Variants in PPFIBP2 observed in about 807,000 individuals in gnomAD.
PPFIBP2 encodes the protein PPFIB scaffold protein 2, also known as liprin-beta-2.
In PPFIBP2, 118 loss-of-function variants were observed where a neutral mutation model predicts 118.3. The observed-to-expected ratio is 1.00, with a 90% confidence interval of 0.86 to 1.16. PPFIBP2 has a LOEUF of 1.16. PPFIBP2 is among the 50% of genes most tolerant of loss of function. The pLI is 0.00. For synonymous variants in PPFIBP2, 414 were observed against 397.4 expected (o/e 1.04, Z -0.50); for missense variants, 1,195 against 1,073.1 (o/e 1.11, Z -1.59).
At chr11:7,551,040 T>C (rs554422943) in intron 2 of PPFIBP2, among the ~76,000 whole-genome samples, 31 of 140,536 alleles carry the variant, frequency 2.2e-4, no homozygotes, top group Middle Eastern at 3.7e-3. Context: ...TATCTATATC[T>C]ATAGATATAG....
intron 1 of PPFIBP2, among the ~76,000 whole-genome samples, chr11:7,535,941 G>T (rs963535810): frequency 4.6e-5 from 7 of 152,094 alleles, no homozygotes; most frequent in African/African-American, 1.4e-4. Context: ...TGAGGGACCC[G>T]GAGAGCGCTT....
At chr11:7,578,067 A>C (rs180788394) in intron 3 of PPFIBP2, among the ~76,000 whole-genome samples, 23 of 152,358 alleles carry the variant, frequency 1.5e-4, no homozygotes, top group African/African-American at 4.8e-4. Flanking sequence ...GGTGGAGCAC[A>C]CATCTGCTGT....
the PPFIBP2 span, chr11:7,665,674 G>A: frequency 8.4e-7 from 1 of 1,185,602 alleles, no homozygotes; most frequent in Non-Finnish European, 1.2e-6. Context: ...TTAGAAGTCT[G>A]TACTACTGCT....
chr11:7,600,753 C>T (rs547477019), intron 5 of PPFIBP2, among the ~76,000 whole-genome samples: 12 of 152,366 alleles, frequency 7.9e-5, no homozygotes, highest in African/African-American at 2.9e-4. Context: ...CTGAAGGCAG[C>T]AGCTGCTGTT....
chr11:7,614,747 G>T (rs904698278), intron 6 of PPFIBP2, among the ~76,000 whole-genome samples: 1 of 152,092 alleles, frequency 6.6e-6, no homozygotes, highest in African/African-American at 2.4e-5. Context: ...AAAGAACTAA[G>T]TAAAATTGTG....
At chr11:7,542,715 C>T (rs983876772) in intron 1 of PPFIBP2, among the ~76,000 whole-genome samples, 1 of 152,222 alleles carries the variant, frequency 6.6e-6, no homozygotes, top group African/African-American at 2.4e-5. Flanking sequence ...CTGAGGAAGT[C>T]TCTCCCAGAG....
At chr11:7,549,664 AGTGGTG>A in intron 2 of PPFIBP2, 125 bp downstream of exon 2, 1 of 1,016,584 alleles carries the variant, frequency 9.8e-7, no homozygotes. Flanking sequence ...TTTATTTTTC[AGTGGTG>A]TTATTGTGTA....
At chr11:7,515,439 A>G (rs1474001056) in intron 1 of PPFIBP2, among the ~76,000 whole-genome samples, 1 of 152,220 alleles carries the variant, frequency 6.6e-6, no homozygotes, top group Non-Finnish European at 1.5e-5. Context: ...GAGATCAATG[A>G]CATGAAGGCG....
intron 12 of PPFIBP2, among the ~76,000 whole-genome samples, chr11:7,633,392 A>G (rs1851037055): frequency 6.6e-6 from 1 of 152,192 alleles, no homozygotes; most frequent in African/African-American, 2.4e-5. Flanking sequence ...ATGAACTAAT[A>G]ATGGGCTCGC....
In PPFIBP2 at chr11:7,569,921, A is replaced by G. The variant is rs1340601911; in HGVS notation, c.279+4154A>G. ...GAGGGTGTGGTTATTTCAGTTCAGG[A>G]GCCCCAGAACCCCACAGGTGGTCCT... On this transcript the variant is annotated intron_variant, in intron 3 of 23. Coordinates refer to ENST00000299492, the MANE Select transcript of PPFIBP2 (RefSeq NM_003621.5). 2.6e-5 allele frequency among the ~76,000 whole-genome samples: 4 copies of G among 152,244 alleles called. No individual in the cohort carries two copies. The East Asian group carries it at 7.7e-4, about 29-fold the overall frequency.
intron 17 of PPFIBP2, among the ~76,000 whole-genome samples, chr11:7,643,565 G>A (rs186363607): frequency 3.3e-5 from 5 of 152,320 alleles, no homozygotes; most frequent in East Asian, 1.9e-4. Context: ...AAGGGAAGAC[G>A]TATGAAGAAG....
At chr11:7,517,125 CT>C (rs1849297029) in intron 1 of PPFIBP2, among the ~76,000 whole-genome samples, 1 of 152,116 alleles carries the variant, frequency 6.6e-6, no homozygotes, top group African/African-American at 2.4e-5. Flanking sequence ...GTTTTAGTGG[CT>C]TTTATTATTA....
chr11:7,665,795 T>C, the PPFIBP2 span: 2 of 1,492,842 alleles, frequency 1.3e-6, no homozygotes, highest in Non-Finnish European at 9.0e-7. Flanking sequence ...GCTGTCAGCA[T>C]TGACGAGGAA....
intron 2 of PPFIBP2, among the ~76,000 whole-genome samples, chr11:7,562,290 T>C (rs951084087): frequency 3.3e-5 from 5 of 152,234 alleles, no homozygotes; most frequent in Non-Finnish European, 7.3e-5. Flanking sequence ...TGGCCATTGG[T>C]AGAAGGGCTT....
At chr11:7,579,498 T>G (rs1348984447) in intron 3 of PPFIBP2, among the ~76,000 whole-genome samples, 1 of 152,198 alleles carries the variant, frequency 6.6e-6, no homozygotes, top group Non-Finnish European at 1.5e-5. Flanking sequence ...AGAAATGCAC[T>G]GACCATCACT....
At chr11:7,577,324 T>TGTGC (rs1554958733) in intron 3 of PPFIBP2, 1 of 266,878 alleles carries the variant, frequency 3.7e-6, no homozygotes, top group Non-Finnish European at 7.4e-6. Flanking sequence ...TATGTGCGTG[T>TGTGC]GTGTGTGTGT....
chr11:7,532,224 G>C (rs946522989), intron 1 of PPFIBP2, among the ~76,000 whole-genome samples: 1 of 118,588 alleles, frequency 8.4e-6, no homozygotes, highest in African/African-American at 3.5e-5. Flanking sequence ...AATCTGCTCT[G>C]CTTTTAAGTA....
At chr11:7,641,893 A>G (rs951612546) in intron 16 of PPFIBP2, 16 of 475,090 alleles carry the variant, frequency 3.4e-5, no homozygotes, top group African/African-American at 2.7e-4. Context: ...TGCAGCTTAT[A>G]TTACATTGGA....
At chr11:7,560,139 A>G (rs1324390205) in intron 2 of PPFIBP2, among the ~76,000 whole-genome samples, 2 of 152,170 alleles carry the variant, frequency 1.3e-5, no homozygotes, top group East Asian at 1.9e-4. Flanking sequence ...TAATGCAATT[A>G]TAGAGCGAGG....
Sources: gnomAD v4.1 joint callset for allele counts (sites outside exome capture counted in the v4.1 genomes callset) on GRCh38, gnomAD v4.1.1 for gene constraint, MANE v1.5 for transcripts, NCBI Gene and HGNC (gene_info 2026-07-23, HGNC 2026-07-21) for gene names.